FOCAD: variants seen among roughly 807,000 people sequenced by gnomAD.
FOCAD encodes the protein KIAA1797.
Under a neutral mutation model 225.6 loss-of-function variants are expected in FOCAD, and 198 were observed. The observed-to-expected ratio is 0.88, with a 90% CI of 0.78 to 0.99. FOCAD has a LOEUF of 0.99. Among genes scored for constraint, FOCAD ranks in the 50% least tolerant of loss-of-function variants. The pLI is 0.00. For synonymous variants in FOCAD, 897 were observed against 755.0 expected (o/e 1.19, Z -3.08); for missense variants, 2,713 against 2,123.6 (o/e 1.28, Z -5.46).
chr9:20,903,455 G>C lies in FOCAD; in HGVS notation c.2626-3695G>C, dbSNP rs145692355. On this transcript the variant is annotated intron_variant, in intron 21 of 43. Transcript: ENST00000338382. ...CTACCTACAGTCTATTGTCAACAGA[G>C]CAGTCAGTATTGTCCTTTTACAATA... Among the ~76,000 whole-genome samples the C allele has an allele frequency of 2.7e-3, 407 of 151,958 alleles. 4 individuals carry two copies. The highest frequency in any genetic ancestry group is 8.9e-3 in the African/African-American group (371 of 41,494).
chr9:20,972,541 C>A (rs188525853), intron 35 of FOCAD, among the ~76,000 whole-genome samples: 2 of 151,048 alleles, frequency 1.3e-5, no homozygotes, highest in Non-Finnish European at 2.9e-5. Context: ...TTTGTTGATT[C>A]TCCCTCTGCC....
intron 15 of FOCAD, among the ~76,000 whole-genome samples, chr9:20,840,281 C>T (rs1024476095): frequency 6.6e-6 from 1 of 151,762 alleles, no homozygotes; most frequent in Non-Finnish European, 1.5e-5. Context: ...TTGATTCTTC[C>T]AATTTATGAA....
chr9:20,795,599 A>ATC lies in FOCAD; in HGVS notation c.1455+5991_1455+5992insTC, dbSNP rs1820979675. 3.9e-5 allele frequency among the ~76,000 whole-genome samples: 6 copies of ATC among 151,968 alleles called. No individual in the cohort carries two copies. In the South Asian group the frequency reaches 1.2e-3, roughly 32 times the overall value. On this transcript the variant is annotated intron_variant, in intron 11 of 43. Coordinates refer to ENST00000338382, the MANE Select transcript of FOCAD (RefSeq NM_001375567.1). Reference sequence around the variant, plus strand: ...AGGAGATTGAGACCATCCTGGCTACACGGTGAAACCCCGTCTCTACTAAAA... The same window carrying ATC: ...AGGAGATTGAGACCATCCTGGCTACATCCGGTGAAACCCCGTCTCTACTAAAA...
intron 35 of FOCAD, chr9:20,957,478 C>CTTTTTCTTTTTTTTT (rs1554741395): frequency 1.2e-5 from 1 of 81,480 alleles, no homozygotes; most frequent in Non-Finnish European, 2.2e-5. Context: ...CTTTTCTTTT[C>CTTTTTCTTTTTTTTT]TTTTTTTTTT....
chr9:20,685,540 A>G (rs1468146092), intron 1 of FOCAD, among the ~76,000 whole-genome samples: 1 of 152,232 alleles, frequency 6.6e-6, no homozygotes, highest in Non-Finnish European at 1.5e-5. Context: ...CTGCGTAGAA[A>G]GCACTGTGAC....
intron 29 of FOCAD, among the ~76,000 whole-genome samples, chr9:20,946,080 T>TATTCATTC (rs57359069): frequency 2.4e-4 from 30 of 122,512 alleles, no homozygotes; most frequent in South Asian, 9.0e-4. Context: ...ATATTTTATT[T>TATTCATTC]ATTCATTCAT....
intron 4 of FOCAD, among the ~76,000 whole-genome samples, chr9:20,721,252 C>T (rs983268300): frequency 3.3e-5 from 5 of 152,078 alleles, no homozygotes; most frequent in Non-Finnish European, 7.4e-5. Context: ...GGGCTTTTGC[C>T]CCCTTCCCTC....
rs191559274 is a variant in FOCAD at position 20,874,693 on chromosome 9, A to C, written c.2203A>C (p.Ile735Leu). 6 of 1,613,452 alleles carry C rather than the reference A, an allele frequency of 3.7e-6. No individual in the cohort carries two copies. The highest frequency in any genetic ancestry group is 3.3e-5 in the Admixed American group (2 of 59,978). The change falls in exon 19 of 44, where the codon ATT becomes CTT. Residue 735 changes from isoleucine (I) to leucine (L), a missense_variant. Ile to Leu is a conservative substitution (Grantham distance 5). Transcript: ENST00000338382. ...CTTATCATTTCAGATAAGACCAGAA[A>C]TTCCCATTCCTGAAGAGTTAGATGA... ...LHLPEKIRPE[I>L]PIPEELDDDE...
chr9:20,672,795 A>G (rs1822112042), intron 2 of FOCAD, among the ~76,000 whole-genome samples: 1 of 152,184 alleles, frequency 6.6e-6, no homozygotes, highest in Admixed American at 6.5e-5. Flanking sequence ...CACAGGAAAA[A>G]CTTATGTTAC....
intron 15 of FOCAD, among the ~76,000 whole-genome samples, chr9:20,838,624 T>TA (rs1319089292): frequency 1.3e-5 from 2 of 152,156 alleles, no homozygotes; most frequent in Non-Finnish European, 2.9e-5. Context: ...GCTCAGGTAC[T>TA]CTATCCATGT....
At chr9:20,897,836 C>T (rs1424555063) in intron 21 of FOCAD, among the ~76,000 whole-genome samples, 2 of 151,650 alleles carry the variant, frequency 1.3e-5, no homozygotes, top group African/African-American at 4.8e-5. Flanking sequence ...CCTCTGATGC[C>T]TTCCTTTCTT....
At chr9:20,708,758 A>G (rs972749364) in intron 1 of FOCAD, among the ~76,000 whole-genome samples, 12 of 127,112 alleles carry the variant, frequency 9.4e-5, no homozygotes, top group Non-Finnish European at 1.4e-4. Context: ...CTTGAGTGAC[A>G]GAGTGAGAGA....
chr9:20,858,204 A>G (rs1281888002), intron 15 of FOCAD, among the ~76,000 whole-genome samples: 2 of 151,990 alleles, frequency 1.3e-5, no homozygotes, highest in African/African-American at 4.8e-5. Context: ...GAAATCAGCA[A>G]TGAAGCCATC....
At chr9:20,677,141 G>C (rs944566054) in intron 2 of FOCAD, among the ~76,000 whole-genome samples, 1 of 152,182 alleles carries the variant, frequency 6.6e-6, no homozygotes, top group Non-Finnish European at 1.5e-5. Flanking sequence ...CTCTTTATTA[G>C]ATGGTGTTGG....
In FOCAD at chr9:20,913,152, AC is replaced by A. The variant is rs1437494847; in HGVS notation, c.2807+199del. On this transcript the variant is annotated intron_variant, in intron 23 of 43. Transcript: ENST00000338382. The stretch of plus-strand genomic sequence containing the variant: ...TTATTTATAAATTATACATACACAC[AC>A]ACACACACACACACACACACACACA... Among the ~76,000 whole-genome samples the A allele has an allele frequency of 6.9e-5, 9 of 131,034 alleles. No homozygotes were observed. The East Asian group carries it at 2.0e-3, about 29-fold the overall frequency. 86.0% of individuals were successfully genotyped at this position (131,034 alleles called of 152,430 possible). A position where few individuals can be genotyped will look rare whatever the true frequency, so the allele number is the denominator to read the frequency against.
At position 20,907,141 on chromosome 9, in the gene FOCAD, T is replaced by C; in HGVS notation, c.2626-9T>C. 1 of 1,608,428 alleles carries C rather than the reference T, an allele frequency of 6.2e-7. No homozygotes were observed. Among genetic ancestry groups the C allele is most frequent in the Non-Finnish European group, 8.5e-7 (1 of 1,175,354 alleles). On this transcript the variant is annotated splice_polypyrimidine_tract_variant and intron_variant, in intron 21 of 43. Coordinates refer to ENST00000338382, the MANE Select transcript of FOCAD (RefSeq NM_001375567.1). ...TAGCCTAATATGTTGTGGTACATTT[T>C]TCCCATAGGTTCATATCCAGCTTTC...
At chr9:20,936,240 A>G (rs892573745) in intron 28 of FOCAD, among the ~76,000 whole-genome samples, 2 of 152,212 alleles carry the variant, frequency 1.3e-5, no homozygotes, top group African/African-American at 4.8e-5. Flanking sequence ...TATTATGGGC[A>G]CTGCTCAAAT....
At chr9:20,662,730 G>A (rs758197521) in intron 2 of FOCAD, among the ~76,000 whole-genome samples, 8 of 152,186 alleles carry the variant, frequency 5.3e-5, no homozygotes, top group Non-Finnish European at 7.4e-5. Context: ...GATTACAGGC[G>A]TGAGCCACGG....
At chr9:20,780,904 G>T (rs1228722339) in intron 9 of FOCAD, among the ~76,000 whole-genome samples, 1 of 152,250 alleles carries the variant, frequency 6.6e-6, no homozygotes, top group East Asian at 1.9e-4. Flanking sequence ...GTTAAGGTTT[G>T]ACCTCCAGAT....
Sources: gnomAD v4.1 joint callset for allele counts (sites outside exome capture counted in the v4.1 genomes callset) on GRCh38, gnomAD v4.1.1 for gene constraint, MANE v1.5 for transcripts, NCBI Gene and HGNC (gene_info 2026-07-23, HGNC 2026-07-21) for gene names.